JAK2: variants seen among roughly 807,000 people sequenced by gnomAD.
JAK2 encodes Janus kinase 2.
Under a neutral mutation model 139.3 loss-of-function variants are expected in JAK2, and 86 were observed. The observed-to-expected ratio is 0.62, with a 90% confidence interval of 0.52 to 0.74. The LOEUF (loss-of-function observed/expected upper bound fraction) is 0.74. JAK2 is among the 30% of genes least tolerant of loss of function. The pLI is 0.00. For synonymous variants in JAK2, 490 were observed against 437.7 expected, an observed-to-expected ratio of 1.12 and a Z score of -1.49; for missense variants, 1,421 against 1,360.3, an observed-to-expected ratio of 1.04 and a Z score of -0.70.
At position 5,030,853 on chromosome 9, in the gene JAK2, A is replaced by G. The variant is rs555625068; in HGVS notation, c.350+947A>G. Reference sequence around the variant, plus strand: ...TATAATTTGCACTGAGTTCAAAAAAATATTTTTTATATAATTATTGAAAAG... The same window carrying G: ...TATAATTTGCACTGAGTTCAAAAAAGTATTTTTTATATAATTATTGAAAAG... On this transcript the variant is annotated intron_variant, in intron 4 of 24. Transcript: ENST00000381652. Among the ~76,000 whole-genome samples the G allele has an allele frequency of 5.3e-5, 8 of 152,248 alleles. No individual in the cohort carries two copies. In the East Asian group the frequency reaches 1.5e-3, roughly 29 times the overall value.
At chr9:5,115,024 C>T (rs950792329) in intron 22 of JAK2, among the ~76,000 whole-genome samples, 1 of 152,134 alleles carries the variant, frequency 6.6e-6, no homozygotes, top group African/African-American at 2.4e-5. Flanking sequence ...GACTTCATGA[C>T]TAAAACACCA....
At chr9:5,069,586 G>A (rs1042477923) in intron 11 of JAK2, among the ~76,000 whole-genome samples, 2 of 152,014 alleles carry the variant, frequency 1.3e-5, no homozygotes, top group South Asian at 2.1e-4. Context: ...TTGAAATAAT[G>A]AGCCTTACTA....
intron 2 of JAK2, 38 bp from the exon 3 acceptor site, chr9:5,021,925 G>A (rs1822457524): frequency 8.7e-6 from 11 of 1,259,466 alleles, no homozygotes; most frequent in East Asian, 7.0e-5. Context: ...GAGACACTGC[G>A]CCCAGCCCAT....
At chr9:5,043,674 A>C (rs901401329) in intron 4 of JAK2, among the ~76,000 whole-genome samples, 3 of 152,222 alleles carry the variant, frequency 2.0e-5, no homozygotes, top group Non-Finnish European at 4.4e-5. Context: ...TTCACAATAG[A>C]AAAATAATAG....
intron 22 of JAK2, among the ~76,000 whole-genome samples, chr9:5,122,738 T>A (rs181736088): frequency 6.6e-6 from 1 of 151,950 alleles, no homozygotes; most frequent in Non-Finnish European, 1.5e-5. Flanking sequence ...AGAAGAAAAG[T>A]AGATGTCAGC....
At position 4,988,747 on chromosome 9, in the gene JAK2, G is replaced by C. The variant is rs112999807; in HGVS notation, c.-26+2725G>C. On this transcript the variant is annotated intron_variant, in intron 2 of 24. Coordinates refer to ENST00000381652, the MANE Select transcript of JAK2 (RefSeq NM_004972.4). ...TCACTTCCTGGTTTTTCCTGTACTG[G>C]TCTTCTGCTTCTACTTCTGTTCATC... Among the ~76,000 whole-genome samples, 1,187 of 152,022 alleles carry C rather than the reference G, an allele frequency of 7.8e-3. 17 individuals are homozygous for C. Among genetic ancestry groups the C allele is most frequent in the African/African-American group, 0.027 (1,131 of 41,458 alleles).
intron 4 of JAK2, among the ~76,000 whole-genome samples, chr9:5,031,843 C>T (rs77096030): frequency 7.9e-5 from 12 of 152,262 alleles, no homozygotes; most frequent in South Asian, 4.1e-4. Flanking sequence ...ATGCAGAAGA[C>T]GGGTGATTTC....
chr9:5,072,589 T>C lies in JAK2; in HGVS notation c.1739T>C (p.Leu580Ser), dbSNP rs1227170780. Residue 580 changes from leucine (L) to serine (S), a missense_variant, in exon 13 of 25, where the codon TTA becomes TCA. Coordinates refer to ENST00000381652, the MANE Select transcript of JAK2 (RefSeq NM_004972.4). Reference sequence around the variant, plus strand: ...CAACTGCATGAAACAGAAGTTCTTTTAAAAGTTCTGGATAAAGCACACAGA... The same window carrying C: ...CAACTGCATGAAACAGAAGTTCTTTCAAAAGTTCTGGATAAAGCACACAGA... ...YGQLHETEVL[L>S]KVLDKAHRNY... 6.2e-7 allele frequency: 1 copy of C among 1,610,386 alleles called. No homozygotes were observed. Among genetic ancestry groups the C allele is most frequent in the Admixed American group, 1.7e-5 (1 of 59,836 alleles).
At chr9:5,032,559 A>G (rs1156813260) in intron 4 of JAK2, among the ~76,000 whole-genome samples, 2 of 152,330 alleles carry the variant, frequency 1.3e-5, no homozygotes, top group East Asian at 3.9e-4. Flanking sequence ...TTCCAGAGGA[A>G]CAGTCAGGCA....
chr9:5,031,374 A>C (rs576181000), intron 4 of JAK2, among the ~76,000 whole-genome samples: 8 of 152,332 alleles, frequency 5.3e-5, no homozygotes, highest in Admixed American at 3.3e-4. Flanking sequence ...CATAAACTAA[A>C]TAATGAGAAT....
chr9:4,996,414 C>T (rs1311986516), intron 2 of JAK2, among the ~76,000 whole-genome samples: 1 of 151,908 alleles, frequency 6.6e-6, no homozygotes, highest in Admixed American at 6.6e-5. Context: ...TGCCATTGCA[C>T]TCTAGCCTGG....
At chr9:5,085,866 T>C in intron 19 of JAK2, 2 of 784,648 alleles carry the variant, frequency 2.5e-6, no homozygotes, top group South Asian at 2.7e-5. Context: ...AGAGATTTCC[T>C]TAAGTTCTGT....
At position 5,054,515 on chromosome 9, in the gene JAK2, C is replaced by A; in HGVS notation, c.615-48C>A. 1 of 1,426,802 alleles carries A rather than the reference C, an allele frequency of 7.0e-7. No individual in the cohort carries two copies. The highest frequency in any genetic ancestry group is 9.5e-7 in the Non-Finnish European group (1 of 1,051,552). The allele number at this position is 1,426,802 out of a possible 1,614,324, so 88.4% of individuals were successfully genotyped here. ...TTTTTCAATTTTTAGATTTATCTTC[C>A]AATTTTTGTTTTGTTTTGTTTTTCT... is the stretch of plus-strand genomic sequence containing the variant. On this transcript the variant is annotated intron_variant, in intron 6 of 24. Coordinates refer to ENST00000381652, the MANE Select transcript of JAK2 (RefSeq NM_004972.4). The surrounding 1 kb of genome is among the most constrained non-coding windows in gnomAD (Gnocchi z 4.9).
Position 5,125,125 on chromosome 9 carries a change from C to G in JAK2, c.3178-1208C>G, listed in dbSNP as rs145370288. The stretch of plus-strand genomic sequence containing the variant: ...AAAAGTATGAAAAAATAAAAATCAT[C>G]TCTAATGCAATTACTCAGAGAAGAC... On this transcript the variant is annotated intron_variant, in intron 23 of 24. Transcript: ENST00000381652. Among the ~76,000 whole-genome samples the G allele has an allele frequency of 3.3e-5, 5 of 151,222 alleles. No individual in the cohort carries two copies. The East Asian group carries it at 9.7e-4, about 29-fold the overall frequency.
chr9:5,042,599 A>AGGCCCAGGCCC (rs1816675689), intron 4 of JAK2, among the ~76,000 whole-genome samples: 3 of 151,668 alleles, frequency 2.0e-5, no homozygotes, highest in African/African-American at 7.3e-5. Context: ...CCCAGGGCTG[A>AGGCCCAGGCCC]GGCCCAGCCA....
intron 22 of JAK2, chr9:5,110,558 ACC>A (rs750443298): frequency 2.4e-4 from 41 of 170,082 alleles, no homozygotes; most frequent in African/African-American, 4.8e-5. Context: ...TCAAGACTTT[ACC>A]CTTCACTTCC....
At position 5,021,872 on chromosome 9, in the gene JAK2, A is replaced by G. The variant is rs184472124; in HGVS notation, c.-25-91A>G. ...TGTCTCCAACTTCTGGGCTCAAGCT[A>G]TCTGCCCGCCTCGGCCCCGCAAAGT... On this transcript the variant is annotated intron_variant, in intron 2 of 24. Coordinates refer to ENST00000381652, the MANE Select transcript of JAK2 (RefSeq NM_004972.4). The G allele has an allele frequency of 1.4e-4, 96 of 672,246 alleles. No individual in the cohort carries two copies. The African/African-American group carries it at 1.4e-3, about 10-fold the overall frequency. 41.6% of individuals were successfully genotyped at this position (672,246 alleles called of 1,614,324 possible).
chr9:5,056,914 T>G (rs555802334), intron 8 of JAK2, among the ~76,000 whole-genome samples: 3 of 152,286 alleles, frequency 2.0e-5, no homozygotes, highest in Admixed American at 1.3e-4. Context: ...GTAGGGCTAT[T>G]TAAACTCAAA....
At chr9:5,068,662 C>G (rs1818736084) in intron 10 of JAK2, among the ~76,000 whole-genome samples, 1 of 152,138 alleles carries the variant, frequency 6.6e-6, no homozygotes, top group African/African-American at 2.4e-5. Flanking sequence ...GTGGCAGGAG[C>G]TGAGATTGGA....
Sources: gnomAD v4.1 joint callset for allele counts (sites outside exome capture counted in the v4.1 genomes callset) on GRCh38, gnomAD v4.1.1 for gene constraint, Gnocchi (gnomAD v3.1) non-coding constraint, MANE v1.5 for transcripts, NCBI Gene and HGNC (gene_info 2026-07-23, HGNC 2026-07-21) for gene names.